MBOAT2: variants seen among roughly 807,000 people sequenced by gnomAD.
MBOAT2 encodes the protein membrane bound glycerophospholipid O-acyltransferase 2.
Under a neutral mutation model 63.4 loss-of-function variants are expected in MBOAT2, and 28 were observed. The ratio of observed to expected loss-of-function variants is 0.44; its 90% CI spans 0.33 to 0.61. The LOEUF is 0.61. Ranked by LOEUF, MBOAT2 falls within the 20% of genes least tolerant of loss-of-function variation. The pLI, the probability that MBOAT2 is intolerant of heterozygous loss-of-function variation, is 0.03. For missense variants in MBOAT2, 470 were observed against 605.8 expected (o/e 0.78, Z 2.35); for synonymous variants, 211 against 215.6 (o/e 0.98, Z 0.19).
rs1015055943 is a variant in MBOAT2 at position 8,855,728 on chromosome 2, TCTTA to T, written c.*2947_*2950del. 5 of 152,222 alleles carry T rather than the reference TCTTA, an allele frequency of 3.3e-5. No individual in the cohort carries two copies. Among genetic ancestry groups the T allele is most frequent in the African/African-American group, 4.8e-5 (2 of 41,472 alleles). The allele number at this position is 152,222 out of a possible 1,614,324, so 9.4% of individuals were successfully genotyped here. A position where few individuals can be genotyped will look rare whatever the true frequency, so the allele number is the denominator to read the frequency against. ...ACAGCTGAGGCATACCAAATTATAC[TCTTA>T]CTGTTTCAAGAAAATGAAATTGAAG... On this transcript the variant is annotated 3_prime_UTR_variant, in exon 13 of 13. Coordinates refer to ENST00000305997, the MANE Select transcript of MBOAT2 (RefSeq NM_138799.4).
chr2:8,893,087 G>A (rs1259297035), intron 4 of MBOAT2, among the ~76,000 whole-genome samples: 1 of 140,194 alleles, frequency 7.1e-6, no homozygotes, highest in African/African-American at 2.6e-5. Context: ...GGAGGCAGGG[G>A]GAGGGGGTGG....
chr2:8,951,154 G>A (rs1434389647), intron 2 of MBOAT2, among the ~76,000 whole-genome samples: 1 of 151,608 alleles, frequency 6.6e-6, no homozygotes, highest in African/African-American at 2.4e-5. Flanking sequence ...GTTAATAAGG[G>A]GTCCCTTCTC....
intron 8 of MBOAT2, 131 bp from the exon 9 acceptor site, chr2:8,868,680 C>T (rs1662083269): frequency 1.4e-6 from 1 of 710,700 alleles, no homozygotes; most frequent in Non-Finnish European, 2.3e-6. Context: ...ATTTTTAAGT[C>T]AGAAACAACA....
At chr2:8,928,149 C>T (rs529545405) in intron 3 of MBOAT2, among the ~76,000 whole-genome samples, 17 of 152,232 alleles carry the variant, frequency 1.1e-4, no homozygotes, top group Admixed American at 8.5e-4. Flanking sequence ...TGAGAACCTG[C>T]CCCCGATCCA....
chr2:8,857,562 C>T lies in MBOAT2; in HGVS notation c.*1117G>A, dbSNP rs549241700. 1 of 152,286 alleles carries T rather than the reference C, an allele frequency of 6.6e-6. No homozygotes were observed. The highest frequency in any genetic ancestry group is 1.9e-4 in the East Asian group (1 of 5,184). 9.4% of individuals were successfully genotyped at this position (152,286 alleles called of 1,614,324 possible). A position where few individuals can be genotyped will look rare whatever the true frequency, so the allele number is the denominator to read the frequency against. ...TTATTCTTAAAAAATGTCACCCAGA[C>T]TCAGTGACTTTTATTTTTCATTTCC... On this transcript the variant is annotated 3_prime_UTR_variant, in exon 13 of 13. Transcript: ENST00000305997.
intron 1 of MBOAT2, among the ~76,000 whole-genome samples, chr2:8,974,169 T>C (rs897711697): frequency 2.6e-5 from 4 of 152,168 alleles, no homozygotes; most frequent in Non-Finnish European, 5.9e-5. Context: ...CAGGCAGTCA[T>C]GTGTTTTAAG....
intron 9 of MBOAT2, 102 bp from the exon 10 acceptor site, chr2:8,864,336 C>CATCG (rs1661706787): frequency 1.7e-6 from 1 of 601,994 alleles, no homozygotes; most frequent in Admixed American, 3.7e-5. Context: ...AATTACTTAA[C>CATCG]ATCGATGGTA....
chr2:8,943,862 T>C (rs1480496327), intron 2 of MBOAT2, among the ~76,000 whole-genome samples: 1 of 152,166 alleles, frequency 6.6e-6, no homozygotes, highest in Non-Finnish European at 1.5e-5. Flanking sequence ...CTGGCTAACA[T>C]GACAGTCTTT....
At chr2:8,896,805 T>A (rs1664510796) in intron 4 of MBOAT2, among the ~76,000 whole-genome samples, 1 of 152,244 alleles carries the variant, frequency 6.6e-6, no homozygotes, top group African/African-American at 2.4e-5. Context: ...ACCCATTGTG[T>A]CTTTTTCCTT....
Position 8,999,881 on chromosome 2 carries a change from T to A in MBOAT2, c.75+3659A>T, listed in dbSNP as rs542909109. On this transcript the variant is annotated intron_variant, in intron 1 of 12. Transcript: ENST00000305997. Reference sequence around the variant, plus strand: ...AATTTAAGGCCTATTGAACAAATACTATGGCTACCTAAATTCCAATACCTC... The same window carrying A: ...AATTTAAGGCCTATTGAACAAATACAATGGCTACCTAAATTCCAATACCTC... 3.1e-3 allele frequency among the ~76,000 whole-genome samples: 465 copies of A among 152,368 alleles called. 1 individual carries two copies. The highest frequency in any genetic ancestry group is 5.9e-3 in the Non-Finnish European group (399 of 68,028).
chr2:8,945,641 T>G (rs1167025891), intron 2 of MBOAT2, among the ~76,000 whole-genome samples: 1 of 152,142 alleles, frequency 6.6e-6, no homozygotes, highest in Non-Finnish European at 1.5e-5. Context: ...ACTGGCTGAT[T>G]CTCTAAGGAA....
At chr2:8,930,434 A>AT (rs1667235915) in intron 3 of MBOAT2, among the ~76,000 whole-genome samples, 1 of 152,088 alleles carries the variant, frequency 6.6e-6, no homozygotes, top group Non-Finnish European at 1.5e-5. Context: ...GCTGCATAGT[A>AT]TTCCATGGTG....
At chr2:8,928,564 A>G (rs62104430) in intron 3 of MBOAT2, among the ~76,000 whole-genome samples, 6,335 of 152,284 alleles carry the variant, frequency 0.042, 147 homozygotes, top group Middle Eastern at 0.058. Context: ...CATAAATAAT[A>G]GCCATTGATA....
intron 3 of MBOAT2, among the ~76,000 whole-genome samples, chr2:8,937,313 G>A (rs1345241594): frequency 6.6e-6 from 1 of 152,212 alleles, no homozygotes; most frequent in Non-Finnish European, 1.5e-5. Flanking sequence ...CTGTGATGCG[G>A]AAGTCATGTC....
At chr2:8,995,116 A>G (rs74836526) in intron 1 of MBOAT2, among the ~76,000 whole-genome samples, 14 of 152,338 alleles carry the variant, frequency 9.2e-5, no homozygotes, top group African/African-American at 3.1e-4. Context: ...TTTCAAAGGT[A>G]AGCTCACAGT....
In MBOAT2 at chr2:8,872,600, C is replaced by T. The variant is rs140565504; in HGVS notation, c.883+508G>A. 1.6e-4 allele frequency among the ~76,000 whole-genome samples: 24 copies of T among 152,286 alleles called. No homozygotes were observed. In the East Asian group the frequency reaches 3.3e-3, roughly 21 times the overall value. On this transcript the variant is annotated intron_variant, in intron 8 of 12. Coordinates refer to ENST00000305997, the MANE Select transcript of MBOAT2 (RefSeq NM_138799.4). ...ACTGGCCCACATTCAATTAAAGCCA[C>T]GATTGCATGTTATCTTTTCTCTAAA...
chr2:8,912,767 C>T (rs1233504332), intron 3 of MBOAT2, among the ~76,000 whole-genome samples: 1 of 152,142 alleles, frequency 6.6e-6, no homozygotes, highest in Non-Finnish European at 1.5e-5. Context: ...GACCATACTC[C>T]AAAAGCAATT....
intron 3 of MBOAT2, among the ~76,000 whole-genome samples, chr2:8,937,300 G>A (rs762070334): frequency 2.0e-5 from 3 of 152,244 alleles, no homozygotes; most frequent in Non-Finnish European, 2.9e-5. Context: ...TGGACAAGGT[G>A]TGCTGTGATG....
At chr2:8,924,748 A>C (rs7603878) in intron 3 of MBOAT2, among the ~76,000 whole-genome samples, 16,711 of 151,562 alleles carry the variant, frequency 0.11, 1,134 homozygotes, top group African/African-American at 0.19. Context: ...TGTTCCCACA[A>C]CTGACTCAGT....
Sources: gnomAD v4.1 joint callset for allele counts (sites outside exome capture counted in the v4.1 genomes callset) on GRCh38, gnomAD v4.1.1 for gene constraint, MANE v1.5 for transcripts, NCBI Gene and HGNC (gene_info 2026-07-23, HGNC 2026-07-21) for gene names.